The following DNAJC5 variants were observed in gnomAD, a reference collection of about 807,000 sequenced individuals.
DNAJC5 encodes dnaJ homolog subfamily C member 5.
In DNAJC5, 1 loss-of-function variant was observed where a neutral mutation model predicts 23.2. That is an observed-to-expected ratio of 0.04 (90% CI 0.02 to 0.20). The LOEUF is 0.20. Among genes scored for constraint, DNAJC5 ranks in the 10% least tolerant of loss-of-function variants. The probability of loss-of-function intolerance (pLI) is 1.00; values close to 1 mark genes in which losing one functional copy is unlikely to be tolerated. For synonymous variants in DNAJC5, 136 were observed against 120.0 expected (o/e 1.13, Z -0.87); for missense variants, 180 against 267.0 (o/e 0.67, Z 2.27).
rs2053687678 is a variant in DNAJC5 at position 63,933,066 on chromosome 20, C to T, written c.*1498C>T. 6.6e-6 allele frequency: 1 copy of T among 152,380 alleles called. No individual in the cohort carries two copies. Among genetic ancestry groups the T allele is most frequent in the Non-Finnish European group, 1.5e-5 (1 of 68,082 alleles). 9.4% of individuals were successfully genotyped at this position (152,380 alleles called of 1,614,324 possible). On this transcript the variant is annotated 3_prime_UTR_variant, in exon 5 of 5. Coordinates refer to ENST00000360864, the MANE Select transcript of DNAJC5 (RefSeq NM_025219.3). ...CGCCATGCTGCAGACTCCAGTGGGC[C>T]TGGTTTCTGCAGAATGTCCATGGTG...
intron 1 of DNAJC5, among the ~76,000 whole-genome samples, chr20:63,901,651 T>C (rs1258920034): frequency 1.3e-5 from 2 of 151,852 alleles, no homozygotes; most frequent in Admixed American, 1.3e-4. Context: ...GCAGAGGGAG[T>C]GTGTGGAGTG....
In DNAJC5 at chr20:63,931,406, G is replaced by A; in HGVS notation, c.494-59G>A. 1 of 1,479,728 alleles carries A rather than the reference G, an allele frequency of 6.8e-7. No homozygotes were observed. The highest frequency in any genetic ancestry group is 2.5e-5 in the East Asian group (1 of 40,640). The allele number at this position is 1,479,728 out of a possible 1,614,324, so 91.7% of individuals were successfully genotyped here. A position where few individuals can be genotyped will look rare whatever the true frequency, so the allele number is the denominator to read the frequency against. ...GCCCGAAAGTCGCTCCACAGGACCA[G>A]CGTTGGGTGCGCGCCAGGCTGTGGC... On this transcript the variant is annotated intron_variant, in intron 4 of 4. Transcript: ENST00000360864. The surrounding 1 kb of genome is among the most constrained non-coding windows in gnomAD (Gnocchi z 9.6).
chr20:63,918,926 C>T (rs2053538580), intron 1 of DNAJC5, among the ~76,000 whole-genome samples: 1 of 152,344 alleles, frequency 6.6e-6, no homozygotes, highest in East Asian at 1.9e-4. Flanking sequence ...CTGTATTTCA[C>T]ATAATACATA....
intron 1 of DNAJC5, among the ~76,000 whole-genome samples, chr20:63,917,255 T>C (rs1301976307): frequency 2.6e-5 from 4 of 151,932 alleles, no homozygotes; most frequent in African/African-American, 4.8e-5. Context: ...TTTTTAAAAT[T>C]AGCTTTTTTC....
Position 63,895,256 on chromosome 20 carries a change from C to G in DNAJC5, c.-79C>G, listed in dbSNP as rs985074150. 1 of 148,966 alleles carries G rather than the reference C, an allele frequency of 6.7e-6. No homozygotes were observed. Among genetic ancestry groups the G allele is most frequent in the African/African-American group, 2.4e-5 (1 of 41,032 alleles). The allele number at this position is 148,966 out of a possible 1,614,324, so 9.2% of individuals were successfully genotyped here. A position where few individuals can be genotyped will look rare whatever the true frequency, so the allele number is the denominator to read the frequency against. On this transcript the variant is annotated 5_prime_UTR_variant, in exon 1 of 5. Transcript: ENST00000360864. ...GAGGAGTGCGTCGGCCGCTGCCCAG[C>G]AGCGCCGCGAATCGGGGAGCGGAGC...
rs999543706 is a variant in DNAJC5, at chr20:63,935,847, A to C, written c.*4279A>C. The C allele has an allele frequency of 1.3e-5, 2 of 152,206 alleles. No individual in the cohort carries two copies. The highest frequency in any genetic ancestry group is 2.4e-5 in the African/African-American group (1 of 41,446). The allele number at this position is 152,206 out of a possible 1,614,324, so 9.4% of individuals were successfully genotyped here. A position where few individuals can be genotyped will look rare whatever the true frequency, so the allele number is the denominator to read the frequency against. On this transcript the variant is annotated 3_prime_UTR_variant, in exon 5 of 5. Coordinates refer to ENST00000360864, the MANE Select transcript of DNAJC5 (RefSeq NM_025219.3). ...TGCTTGTCCATGCACTGGTTTTGTC[A>C]CTGGCGTCCTGGAATCCGACCGTGT...
In DNAJC5 at chr20:63,930,872, C is replaced by G; in HGVS notation, c.343C>G (p.Leu115Val). 6.2e-7 allele frequency: 1 copy of G among 1,613,450 alleles called. No homozygotes were observed. Among genetic ancestry groups the G allele is most frequent in the Admixed American group, 1.7e-5 (1 of 60,022 alleles). The change falls in exon 4 of 5, where the codon CTC becomes GTC. Residue 115 changes from leucine to valine, a missense_variant. Around this residue, in one of 3 missense-constraint regions of DNAJC5, gnomAD observed 97 missense variants for 123.4 expected, o/e 0.79. Coordinates refer to ENST00000360864, the MANE Select transcript of DNAJC5 (RefSeq NM_025219.3). ...CCAGGCCCTGTTTGTCTTCTGCGGCCTCCTCACGTGCTGCTACTGCTGCTG... is the reference window on the plus strand; with the variant it reads ...CCAGGCCCTGTTTGTCTTCTGCGGCGTCCTCACGTGCTGCTACTGCTGCTG... ...WAKALFVFCG[L>V]LTCCYCCCCL...
chr20:63,904,143 T>C (rs961071327), intron 1 of DNAJC5, among the ~76,000 whole-genome samples: 4 of 152,198 alleles, frequency 2.6e-5, no homozygotes, highest in Admixed American at 6.5e-5. Context: ...TTGCCGAATA[T>C]GCATTAGCCG....
chr20:63,916,824 T>C (rs1489005799), intron 1 of DNAJC5, among the ~76,000 whole-genome samples: 1 of 152,180 alleles, frequency 6.6e-6, no homozygotes. Flanking sequence ...GAAAAGAATT[T>C]AGTGATATCT....
At chr20:63,902,744 C>T (rs1252914989) in intron 1 of DNAJC5, among the ~76,000 whole-genome samples, 4 of 143,674 alleles carry the variant, frequency 2.8e-5, no homozygotes, top group African/African-American at 5.1e-5. Context: ...GACTCAGTCT[C>T]GGCTCACTGC....
At chr20:63,919,357 G>A (rs2053543283) in intron 1 of DNAJC5, 5 of 515,750 alleles carry the variant, frequency 9.7e-6, no homozygotes, top group Non-Finnish European at 1.9e-5. Flanking sequence ...AGCTGTGATG[G>A]CACCGACGTG....
intron 1 of DNAJC5, among the ~76,000 whole-genome samples, chr20:63,917,679 C>G (rs995777917): frequency 8.5e-5 from 13 of 152,250 alleles, no homozygotes; most frequent in Admixed American, 6.5e-4. Flanking sequence ...CCTCAGCCTC[C>G]TGAGTAGCTG....
At chr20:63,919,761 A>G (rs1568983863) in intron 1 of DNAJC5, 3 of 403,226 alleles carry the variant, frequency 7.4e-6, no homozygotes, top group Non-Finnish European at 4.6e-6. Context: ...GGCTGTGTGC[A>G]CATGTGCCCA....
chr20:63,924,486 A>G (rs961933817), intron 1 of DNAJC5, among the ~76,000 whole-genome samples: 3 of 152,196 alleles, frequency 2.0e-5, no homozygotes, highest in Non-Finnish European at 4.4e-5. Flanking sequence ...TTCTGGGCTC[A>G]GCCATCCTCT....
intron 1 of DNAJC5, among the ~76,000 whole-genome samples, chr20:63,910,742 G>A (rs2053477885): frequency 6.6e-6 from 1 of 150,896 alleles, no homozygotes; most frequent in Non-Finnish European, 1.5e-5. Context: ...GTATGATCTC[G>A]GCTCAGTGCA....
At chr20:63,924,453 C>T (rs1230470149) in intron 1 of DNAJC5, among the ~76,000 whole-genome samples, 1 of 152,210 alleles carries the variant, frequency 6.6e-6, no homozygotes, top group Non-Finnish European at 1.5e-5. Flanking sequence ...GTGGCACGAT[C>T]ATGGCTCACT....
chr20:63,912,305 A>G (rs1408428314), intron 1 of DNAJC5, among the ~76,000 whole-genome samples: 1 of 146,154 alleles, frequency 6.8e-6, no homozygotes, highest in African/African-American at 2.5e-5. Flanking sequence ...TCGGTCTCCA[A>G]AAAAAAAAAA....
intron 1 of DNAJC5, among the ~76,000 whole-genome samples, chr20:63,901,431 C>T (rs2053411070): frequency 1.3e-5 from 2 of 152,322 alleles, no homozygotes; most frequent in South Asian, 4.1e-4. Context: ...ATTTTTTCAC[C>T]AGGTAGGGTG....
chr20:63,927,636 C>T (rs1039016457), intron 1 of DNAJC5, among the ~76,000 whole-genome samples: 5 of 151,956 alleles, frequency 3.3e-5, no homozygotes, highest in African/African-American at 9.7e-5. Flanking sequence ...TTCAGAACAT[C>T]GATGTTTTTC....
Sources: allele counts gnomAD v4.1 joint callset (sites outside exome capture counted in the v4.1 genomes callset), GRCh38; gene constraint gnomAD v4.1.1; regional missense constraint gnomAD v4.1.1; non-coding constraint Gnocchi (gnomAD v3.1); transcripts MANE v1.5; gene names NCBI Gene and HGNC (gene_info 2026-07-23, HGNC 2026-07-21).